FBRSL1: variants seen among roughly 807,000 people sequenced by gnomAD.
FBRSL1 encodes fibrosin like 1.
FBRSL1 carries 51 observed loss-of-function variants against 89.6 expected under a neutral mutation model. That is an observed-to-expected ratio of 0.57 (90% CI 0.45 to 0.72). The LOEUF is 0.72. FBRSL1 is among the 30% of genes least tolerant of loss of function. The pLI, the probability that FBRSL1 is intolerant of heterozygous loss-of-function variation, is 0.00. For synonymous variants in FBRSL1, 779 were observed against 681.1 expected (o/e 1.14, Z -2.24); for missense variants, 1,618 against 1,451.8 (o/e 1.11, Z -1.86).
intron 4 of FBRSL1, among the ~76,000 whole-genome samples, chr12:132,540,850 T>C (rs2037199879): frequency 6.6e-6 from 1 of 151,716 alleles, no homozygotes; most frequent in Non-Finnish European, 1.5e-5. Context: ...CAGCTCTGAG[T>C]CCTGGGCTCA....
At position 132,571,116 on chromosome 12, in the gene FBRSL1, C is replaced by T; in HGVS notation, c.1262C>T (p.Pro421Leu). 1.5e-6 allele frequency: 2 copies of T among 1,370,648 alleles called. No individual in the cohort carries two copies. The highest frequency in any genetic ancestry group is 1.5e-5 in the African/African-American group (1 of 67,974). 84.9% of individuals were successfully genotyped at this position (1,370,648 alleles called of 1,614,324 possible). Residue 421 changes from proline to leucine, a missense_variant, in exon 9 of 19, where the codon CCT (proline) becomes CTT (leucine). Coordinates refer to ENST00000680143, the MANE Select transcript of FBRSL1 (RefSeq NM_001367871.1). ...AGCCAGCCAATCATGTATTGCCAGC[C>T]TCATTCGGGAATTCTGATTGGTACT... ...SFSQPIMYCQ[P>L]HSGILIGTWS...
chr12:132,528,695 G>T (rs2036009030), intron 4 of FBRSL1, among the ~76,000 whole-genome samples: 1 of 151,820 alleles, frequency 6.6e-6, no homozygotes, highest in Admixed American at 6.5e-5. Context: ...TTCAGTGTGT[G>T]CCTGAGAGAA....
At chr12:132,569,809 G>T (rs1156307081) in intron 6 of FBRSL1, 117 bp from the exon 7 acceptor site, 1 of 720,156 alleles carries the variant, frequency 1.4e-6, no homozygotes, top group Non-Finnish European at 2.0e-6. Flanking sequence ...TGAAATGGGG[G>T]CATAGCCGGA....
intron 5 of FBRSL1, among the ~76,000 whole-genome samples, chr12:132,563,966 G>C (rs115264536): frequency 7.2e-6 from 1 of 137,990 alleles, no homozygotes; most frequent in African/African-American, 2.7e-5. Context: ...CACCCCCGTC[G>C]CCCCGAACCC....
Position 132,582,267 on chromosome 12 carries a change from G to A in FBRSL1, c.2201+1G>A, listed in dbSNP as rs1167801161. 6.5e-7 allele frequency: 1 copy of A among 1,549,684 alleles called. No homozygotes were observed. The highest frequency in any genetic ancestry group is 2.0e-5 in the Admixed American group (1 of 50,976). On this transcript the variant is annotated splice_donor_variant, in intron 18 of 18. Coordinates refer to ENST00000680143, the MANE Select transcript of FBRSL1 (RefSeq NM_001367871.1). LOFTEE classifies it high-confidence loss of function. ...ACAATGGCAAGGAGGAGCAGGAACG[G>A]TGAGTGGCCCTCTTGTTCCGTATCC...
intron 5 of FBRSL1, among the ~76,000 whole-genome samples, chr12:132,564,853 T>A (rs1039792887): frequency 1.3e-5 from 2 of 151,760 alleles, no homozygotes; most frequent in African/African-American, 2.4e-5. Flanking sequence ...ATGGTCTCGA[T>A]CTGCTGACCT....
rs1381426998 is a variant in FBRSL1 at position 132,582,974 on chromosome 12, C to A, written c.2205C>A (p.Asp735Glu). Residue 735 changes from aspartate (D) to glutamate (E), a missense_variant, in exon 19 of 19, where the codon GAC (aspartate) becomes GAA (glutamate). Transcript: ENST00000680143. ...PDNGKEEQER[D>E]LLEKTRLLSR... ...GGGTCCGCCCTGCCGCCCCCAGGGA[C>A]CTCCTGGAGAAGACGCGCCTGCTGA... 7.0e-7 allele frequency: 1 copy of A among 1,424,990 alleles called. No individual in the cohort carries two copies. Among genetic ancestry groups the A allele is most frequent in the South Asian group, 1.4e-5 (1 of 69,920 alleles). The allele number at this position is 1,424,990 out of a possible 1,614,324, so 88.3% of individuals were successfully genotyped here.
intron 5 of FBRSL1, among the ~76,000 whole-genome samples, chr12:132,549,842 C>G (rs556468824): frequency 6.6e-6 from 1 of 152,132 alleles, no homozygotes; most frequent in Non-Finnish European, 1.5e-5. Flanking sequence ...GCGGCCCCTG[C>G]CCGGGCCTGG....
intron 6 of FBRSL1, among the ~76,000 whole-genome samples, chr12:132,568,998 G>T (rs904858175): frequency 6.6e-6 from 1 of 152,184 alleles, no homozygotes; most frequent in African/African-American, 2.4e-5. Flanking sequence ...AAGGCCTCAG[G>T]AAGGAAGCAG....
chr12:132,583,493 G>A lies in FBRSL1; in HGVS notation c.2724G>A (p.Pro908=), dbSNP rs1362918729. The part of the protein sequence containing the change: ...LRGELERARA[P]HLPPAAPALD... Reference sequence around the variant, plus strand: ...GGGAGCTGGAGCGCGCGCGGGCCCCGCACCTGCCGCCCGCCGCCCCCGCCT... The same window carrying A: ...GGGAGCTGGAGCGCGCGCGGGCCCCACACCTGCCGCCCGCCGCCCCCGCCT... The change falls in exon 19 of 19, where the codon CCG becomes CCA. Residue 908 remains proline (P), a synonymous_variant. Coordinates refer to ENST00000680143, the MANE Select transcript of FBRSL1 (RefSeq NM_001367871.1). The A allele has an allele frequency of 5.7e-6, 6 of 1,046,126 alleles. No homozygotes were observed. Among genetic ancestry groups the A allele is most frequent in the Non-Finnish European group, 6.9e-6 (6 of 868,856 alleles). 64.8% of individuals were successfully genotyped at this position (1,046,126 alleles called of 1,614,324 possible).
intron 1 of FBRSL1, chr12:132,507,309 G>T: frequency 1.0e-6 from 1 of 985,576 alleles, no homozygotes; most frequent in Non-Finnish European, 1.2e-6. Flanking sequence ...TGGCCGGCTG[G>T]CTCCTCTGGA....
chr12:132,507,053 C>G (rs2033772948), intron 1 of FBRSL1: 6 of 310,316 alleles, frequency 1.9e-5, no homozygotes, highest in Non-Finnish European at 2.3e-5. Context: ...GCTCTTGTCT[C>G]TGTCGTCTGC....
At chr12:132,510,869 C>A in intron 2 of FBRSL1, 2 of 1,031,128 alleles carry the variant, frequency 1.9e-6, no homozygotes, top group Non-Finnish European at 2.3e-6. Flanking sequence ...CAATACTGTC[C>A]TTGCATCTCT....
Position 132,570,515 on chromosome 12 carries a change from C to T in FBRSL1, c.1188C>T (p.Ser396=), listed in dbSNP as rs1285757607. 1.3e-6 allele frequency: 2 copies of T among 1,524,246 alleles called. No homozygotes were observed. The highest frequency in any genetic ancestry group is 1.8e-6 in the Non-Finnish European group (2 of 1,141,026). 94.4% of individuals were successfully genotyped at this position (1,524,246 alleles called of 1,614,324 possible). The stretch of plus-strand genomic sequence containing the variant: ...CGCCCCCGGCGCTGCCGGCCAGCAG[C>T]CTGGTCCTCCCAGGACACCCGGCCG... ...LPPPPALPAS[S]LVLPGHPADA... Residue 396 remains serine (S), a synonymous_variant, in exon 8 of 19, where the codon AGC becomes AGT. Coordinates refer to ENST00000680143, the MANE Select transcript of FBRSL1 (RefSeq NM_001367871.1).
In FBRSL1 at chr12:132,574,169, G is replaced by C; in HGVS notation, c.1599+11G>C. The stretch of plus-strand genomic sequence containing the variant: ...CAGAAAGCGCCTGGGGTAGGTGTTA[G>C]TGGGCGCCCGTCCCCACCCCGGGGG... On this transcript the variant is annotated intron_variant, in intron 12 of 18. Transcript: ENST00000680143. The C allele has an allele frequency of 1.4e-6, 2 of 1,425,662 alleles. No homozygotes were observed. The highest frequency in any genetic ancestry group is 1.8e-6 in the Non-Finnish European group (2 of 1,094,740). 88.3% of individuals were successfully genotyped at this position (1,425,662 alleles called of 1,614,324 possible).
intron 5 of FBRSL1, chr12:132,551,854 G>A (rs894934784): frequency 2.9e-6 from 1 of 339,278 alleles, no homozygotes; most frequent in Admixed American, 3.8e-5. Flanking sequence ...GGGGTGAAGA[G>A]CGATATGGGA....
intron 9 of FBRSL1, chr12:132,571,552 G>GC: frequency 7.4e-7 from 1 of 1,342,664 alleles, no homozygotes; most frequent in East Asian, 3.2e-5. Flanking sequence ...CTGGCAGGGG[G>GC]CGGGGGCGGG....
rs58216658 is a variant in FBRSL1 at position 132,549,829 on chromosome 12, G to A, written c.645+1797G>A. Among the ~76,000 whole-genome samples, 630 of 152,328 alleles carry A rather than the reference G, an allele frequency of 4.1e-3. 10 individuals are homozygous for A. The East Asian group carries it at 0.056, about 13-fold the overall frequency. Reference sequence around the variant, plus strand: ...TGTCTGTGCAGGCTGTGCCTGCAGAGATGCGGCCCCTGCCCGGGCCTGGGC... The same window carrying A: ...TGTCTGTGCAGGCTGTGCCTGCAGAAATGCGGCCCCTGCCCGGGCCTGGGC... On this transcript the variant is annotated intron_variant, in intron 5 of 18. Coordinates refer to ENST00000680143, the MANE Select transcript of FBRSL1 (RefSeq NM_001367871.1).
intron 1 of FBRSL1, among the ~76,000 whole-genome samples, chr12:132,496,708 C>T (rs920954672): frequency 2.0e-5 from 3 of 152,262 alleles, no homozygotes; most frequent in Non-Finnish European, 2.9e-5. Flanking sequence ...TGTGTCCCTC[C>T]CTCCTTCCCT....
Sources: allele counts gnomAD v4.1 joint callset (sites outside exome capture counted in the v4.1 genomes callset), GRCh38; gene constraint gnomAD v4.1.1; transcripts MANE v1.5; gene names NCBI Gene and HGNC (gene_info 2026-07-23, HGNC 2026-07-21).